TBPL1: variants seen among roughly 807,000 people sequenced by gnomAD.
TBPL1 encodes the protein TATA-box binding protein like 1, also known as TATA box-binding protein-like 1.
TBPL1 carries 4 observed loss-of-function variants against 22.1 expected under a neutral mutation model. That is an observed-to-expected ratio of 0.18 (90% CI 0.09 to 0.41). The LOEUF is 0.41. Ranked by LOEUF, TBPL1 falls within the 10% of genes least tolerant of loss-of-function variation. The probability of loss-of-function intolerance (pLI) is 1.00; values close to 1 mark genes in which losing one functional copy is unlikely to be tolerated. For missense variants in TBPL1, 115 were observed against 222.3 expected, an observed-to-expected ratio of 0.52 and a Z score of 3.07; for synonymous variants, 64 against 71.0, an observed-to-expected ratio of 0.90 and a Z score of 0.50.
chr6:133,976,056 T>C (rs961225788), intron 1 of TBPL1, among the ~76,000 whole-genome samples: 3 of 152,208 alleles, frequency 2.0e-5, no homozygotes, highest in African/African-American at 7.2e-5. Flanking sequence ...AAATCATGTA[T>C]AAACCACCAT....
chr6:133,952,931 G>T (rs1049741615), upstream of TBPL1, among the ~76,000 whole-genome samples: 56 of 152,140 alleles, frequency 3.7e-4, no homozygotes, highest in African/African-American at 1.3e-3. The surrounding 1 kb of genome is among the most constrained non-coding windows in gnomAD (Gnocchi z 4.5). Flanking sequence ...CCTTTCAAGC[G>T]GTTCTTAAAC....
intron 1 of TBPL1, among the ~76,000 whole-genome samples, chr6:133,963,606 G>A (rs1319122986): frequency 6.6e-6 from 1 of 151,928 alleles, no homozygotes; most frequent in Non-Finnish European, 1.5e-5. Context: ...TTTTTTTGTC[G>A]AGACAGAGTC....
intron 1 of TBPL1, among the ~76,000 whole-genome samples, chr6:133,963,004 C>G (rs1288823302): frequency 6.6e-6 from 1 of 152,180 alleles, no homozygotes; most frequent in Non-Finnish European, 1.5e-5. Context: ...CAGAAGTTCC[C>G]AGTGCTTTAT....
Position 133,988,806 on chromosome 6 carries a change from TGAAA to T in TBPL1, c.*1769_*1772del, listed in dbSNP as rs907309396. 1 of 152,124 alleles carries T rather than the reference TGAAA, an allele frequency of 6.6e-6. No homozygotes were observed. Among genetic ancestry groups the T allele is most frequent in the East Asian group, 1.9e-4 (1 of 5,188 alleles). The allele number at this position is 152,124 out of a possible 1,614,324, so 9.4% of individuals were successfully genotyped here. A position where few individuals can be genotyped will look rare whatever the true frequency, so the allele number is the denominator to read the frequency against. Reference sequence around the variant, plus strand: ...CAAATTCATAGAGAATAAAATTACATGAAAGAGTTACAAGCTCACTGTTTTAAAG... The same window carrying T: ...CAAATTCATAGAGAATAAAATTACATGAGTTACAAGCTCACTGTTTTAAAG... On this transcript the variant is annotated 3_prime_UTR_variant, in exon 7 of 7. Coordinates refer to ENST00000237264, the MANE Select transcript of TBPL1 (RefSeq NM_004865.4).
intron 6 of TBPL1, 149 bp downstream of exon 6, chr6:133,984,820 C>A: frequency 1.6e-6 from 1 of 628,214 alleles, no homozygotes; most frequent in Non-Finnish European, 2.8e-6. Flanking sequence ...ACACTAGATG[C>A]ATTTTGCCTA....
intron 2 of TBPL1, among the ~76,000 whole-genome samples, chr6:133,982,295 T>G (rs554242762): frequency 6.6e-6 from 1 of 152,212 alleles, no homozygotes; most frequent in African/African-American, 2.4e-5. Context: ...GAGAGTTGAA[T>G]TGTTTATATA....
At chr6:133,984,329 T>C (rs1289507892) in intron 4 of TBPL1, 47 bp from the exon 5 acceptor site, 1 of 1,449,650 alleles carries the variant, frequency 6.9e-7, no homozygotes, top group African/African-American at 1.4e-5. Flanking sequence ...GATTTTTTGT[T>C]TGTTTGTTTC....
chr6:133,957,405 A>G (rs566389086), intron 1 of TBPL1, among the ~76,000 whole-genome samples: 1 of 152,346 alleles, frequency 6.6e-6, no homozygotes, highest in East Asian at 1.9e-4. Context: ...CACAAGATAG[A>G]CATCTGTGTG....
Position 133,966,535 on chromosome 6 carries a change from G to A in TBPL1, c.-45+13110G>A, listed in dbSNP as rs147467155. Among the ~76,000 whole-genome samples, 1,258 of 152,188 alleles carry A rather than the reference G, an allele frequency of 8.3e-3. 35 individuals are homozygous for A. The highest frequency in any genetic ancestry group is 0.061 in the Admixed American group (935 of 15,286). ...TAACCTAGACCTGTCCTGAGCAATG[G>A]ACTTTTAGCTGATTAACTGCTCCGT... On this transcript the variant is annotated intron_variant, in intron 1 of 6. Transcript: ENST00000237264.
rs569077644 is a variant in TBPL1 at position 133,967,089 on chromosome 6, G to A, written c.-44-12993G>A. On this transcript the variant is annotated intron_variant, in intron 1 of 6. Coordinates refer to ENST00000237264, the MANE Select transcript of TBPL1 (RefSeq NM_004865.4). Reference sequence around the variant, plus strand: ...CACTTTCCTTTTCACTTTTCTCACCGTAGCCATGCTGATTCTTCCTTCAGG... The same window carrying A: ...CACTTTCCTTTTCACTTTTCTCACCATAGCCATGCTGATTCTTCCTTCAGG... 6.6e-5 allele frequency among the ~76,000 whole-genome samples: 10 copies of A among 152,094 alleles called. 1 individual carries two copies. The highest frequency in any genetic ancestry group is 3.9e-4 in the Admixed American group (6 of 15,284).
chr6:133,973,073 C>A (rs1405827367), intron 1 of TBPL1, among the ~76,000 whole-genome samples: 1 of 152,200 alleles, frequency 6.6e-6, no homozygotes. Context: ...AGCTTTTCTT[C>A]ATCCTGATTC....
chr6:133,961,182 C>A (rs956958231), intron 1 of TBPL1, among the ~76,000 whole-genome samples: 15 of 152,286 alleles, frequency 9.8e-5, no homozygotes, highest in African/African-American at 3.1e-4. Context: ...CTGCCCCCAA[C>A]CCCACAAACC....
intron 1 of TBPL1, among the ~76,000 whole-genome samples, chr6:133,973,536 A>G (rs72982279): frequency 0.025 from 3,813 of 152,188 alleles, 77 homozygotes; most frequent in African/African-American, 0.052. Context: ...TTTTAAATGC[A>G]GTAGTCTTTG....
chr6:133,964,543 C>T lies in TBPL1; in HGVS notation c.-45+11118C>T, dbSNP rs551531516. Among the ~76,000 whole-genome samples the T allele has an allele frequency of 8.6e-5, 13 of 151,336 alleles. 1 individual carries two copies. In the East Asian group the frequency reaches 1.8e-3, roughly 20 times the overall value. On this transcript the variant is annotated intron_variant, in intron 1 of 6. Coordinates refer to ENST00000237264, the MANE Select transcript of TBPL1 (RefSeq NM_004865.4). Reference sequence around the variant, plus strand: ...TTGGCTCACTGCAAGCTCCGTCTCCCGGGTTCACGCCATTCTCCTGCCTCA... The same window carrying T: ...TTGGCTCACTGCAAGCTCCGTCTCCTGGGTTCACGCCATTCTCCTGCCTCA...
chr6:133,953,073 C>G (rs559166535), upstream of TBPL1: 1 of 151,820 alleles, frequency 6.6e-6, no homozygotes, highest in African/African-American at 2.4e-5. Context: ...GGGCGGGGGA[C>G]GGGGAAAGTG....
intron 1 of TBPL1, among the ~76,000 whole-genome samples, chr6:133,966,350 TG>T (rs1190027220): frequency 6.6e-6 from 1 of 152,190 alleles, no homozygotes; most frequent in East Asian, 1.9e-4. Context: ...GATATAAGTA[TG>T]TATAGTAACA....
chr6:133,955,197 A>G (rs193275205), intron 1 of TBPL1, among the ~76,000 whole-genome samples: 111 of 148,450 alleles, frequency 7.5e-4, no homozygotes, highest in Admixed American at 1.7e-3. Flanking sequence ...GTGTCCCTCA[A>G]CCTCAGGGCT....
chr6:133,969,073 A>G (rs1225393452), intron 1 of TBPL1: 2 of 152,154 alleles, frequency 1.3e-5, no homozygotes, highest in South Asian at 2.1e-4. Context: ...TTTCAATTAT[A>G]TCTTCTTATA....
At chr6:133,965,138 A>G (rs1453131637) in intron 1 of TBPL1, among the ~76,000 whole-genome samples, 2 of 152,186 alleles carry the variant, frequency 1.3e-5, no homozygotes, top group African/African-American at 4.8e-5. Context: ...GAAACTAATA[A>G]TCTTTTAAAA....
Sources: gnomAD v4.1 joint callset for allele counts (sites outside exome capture counted in the v4.1 genomes callset) on GRCh38, gnomAD v4.1.1 for gene constraint, Gnocchi (gnomAD v3.1) non-coding constraint, MANE v1.5 for transcripts, NCBI Gene and HGNC (gene_info 2026-07-23, HGNC 2026-07-21) for gene names.